TRPC6: variants seen among roughly 807,000 people sequenced by gnomAD.
TRPC6 encodes transient receptor potential cation channel subfamily C member 6.
A neutral mutation model predicts 90.7 loss-of-function variants in TRPC6; 55 were observed. The ratio of observed to expected loss-of-function variants is 0.61; its 90% confidence interval spans 0.49 to 0.76. TRPC6 has a LOEUF of 0.76. TRPC6 is among the 30% of genes least tolerant of loss of function. The pLI is 0.00. For missense variants in TRPC6, 989 were observed against 1,122.7 expected (o/e 0.88, Z 1.70); for synonymous variants, 393 against 393.0 (o/e 1.00, Z 0.00).
intron 10 of TRPC6, among the ~76,000 whole-genome samples, chr11:101,468,669 C>G (rs564102093): frequency 2.6e-5 from 4 of 152,212 alleles, no homozygotes; most frequent in Non-Finnish European, 5.9e-5. Context: ...GACAAAAAAT[C>G]CAGGAGAATC....
chr11:101,581,923 T>C (rs1862205971), intron 1 of TRPC6, among the ~76,000 whole-genome samples: 1 of 152,322 alleles, frequency 6.6e-6, no homozygotes, highest in Non-Finnish European at 1.5e-5. Flanking sequence ...AAGTCTGTAC[T>C]ATGAGACATA....
intron 10 of TRPC6, 46 bp from the exon 11 acceptor site, chr11:101,455,147 T>C: frequency 6.7e-7 from 1 of 1,495,448 alleles, no homozygotes; most frequent in Admixed American, 1.7e-5. Flanking sequence ...TTACATTTTC[T>C]TTTAAATAAA....
At position 101,554,639 on chromosome 11, in the gene TRPC6, A is replaced by G. The variant is rs190982180; in HGVS notation, c.170+28695T>C. Among the ~76,000 whole-genome samples the G allele has an allele frequency of 3.4e-4, 52 of 152,304 alleles. 1 individual carries two copies. Among genetic ancestry groups the G allele is most frequent in the African/African-American group, 1.1e-3 (47 of 41,574 alleles). On this transcript the variant is annotated intron_variant, in intron 1 of 12. Coordinates refer to ENST00000344327, the MANE Select transcript of TRPC6 (RefSeq NM_004621.6). ...GCCAGGCAATGGGAAGAATCAAGTTATAAGCCTCACTATATTTCTTTCCCT... is the reference window on the plus strand; with the variant it reads ...GCCAGGCAATGGGAAGAATCAAGTTGTAAGCCTCACTATATTTCTTTCCCT...
At chr11:101,571,838 TC>T (rs1377387320) in intron 1 of TRPC6, among the ~76,000 whole-genome samples, 1 of 152,126 alleles carries the variant, frequency 6.6e-6, no homozygotes, top group Non-Finnish European at 1.5e-5. Context: ...TGAAACTGGA[TC>T]CCTTCCTTAC....
At chr11:101,568,606 G>C (rs962567384) in intron 1 of TRPC6, among the ~76,000 whole-genome samples, 2 of 152,084 alleles carry the variant, frequency 1.3e-5, no homozygotes, top group African/African-American at 4.8e-5. Flanking sequence ...TTAAGGGCAG[G>C]CAGAGAGAAA....
At chr11:101,530,242 C>G (rs1449747169) in intron 1 of TRPC6, among the ~76,000 whole-genome samples, 1 of 152,102 alleles carries the variant, frequency 6.6e-6, no homozygotes, top group East Asian at 1.9e-4. Context: ...AAACTGCAGT[C>G]TGAATGCAGT....
At chr11:101,558,408 CAT>C (rs145345886) in intron 1 of TRPC6, among the ~76,000 whole-genome samples, 2,469 of 18,246 alleles carry the variant, frequency 0.14, 771 homozygotes, top group East Asian at 0.58. Context: ...TACACACACA[CAT>C]ATACACACAC....
At chr11:101,539,466 C>CA (rs1178901764) in intron 1 of TRPC6, among the ~76,000 whole-genome samples, 2 of 152,204 alleles carry the variant, frequency 1.3e-5, no homozygotes, top group Non-Finnish European at 2.9e-5. Context: ...ACACTTATTC[C>CA]AAGCAGGCCT....
chr11:101,503,786 G>GA (rs1201171114), intron 2 of TRPC6, among the ~76,000 whole-genome samples: 1 of 152,164 alleles, frequency 6.6e-6, no homozygotes, highest in Non-Finnish European at 1.5e-5. Flanking sequence ...TTCTCAAGGG[G>GA]AACGGATAAA....
chr11:101,534,397 C>A (rs1860986196), intron 1 of TRPC6, among the ~76,000 whole-genome samples: 1 of 152,154 alleles, frequency 6.6e-6, no homozygotes, highest in Non-Finnish European at 1.5e-5. Flanking sequence ...CAGCCTCCCA[C>A]TGTGCTGGGA....
chr11:101,481,600 A>T (rs1173289369), intron 5 of TRPC6, among the ~76,000 whole-genome samples: 3 of 152,168 alleles, frequency 2.0e-5, no homozygotes, highest in Admixed American at 2.0e-4. Flanking sequence ...TCCAAGGCAG[A>T]ATCCACAGCT....
intron 1 of TRPC6, among the ~76,000 whole-genome samples, chr11:101,546,050 C>CCTTTTTTTTTTTTTTTT: frequency 3.4e-5 from 1 of 29,724 alleles, no homozygotes; most frequent in African/African-American, 1.3e-4. Context: ...ATTTATAACT[C>CCTTTTTTTTTTTTTTTT]TTTTTTTTTT....
intron 1 of TRPC6, among the ~76,000 whole-genome samples, chr11:101,578,680 A>G (rs950142852): frequency 3.9e-5 from 6 of 152,158 alleles, no homozygotes; most frequent in Non-Finnish European, 8.8e-5. Context: ...CTGTGATGCA[A>G]TAAGTCACCT....
intron 1 of TRPC6, among the ~76,000 whole-genome samples, chr11:101,554,213 CTG>C (rs2136848227): frequency 6.6e-6 from 1 of 152,256 alleles, no homozygotes; most frequent in Non-Finnish European, 1.5e-5. Context: ...ATATTCTATA[CTG>C]TGTCTCTTCA....
intron 1 of TRPC6, among the ~76,000 whole-genome samples, chr11:101,553,864 G>C (rs1455757366): frequency 6.6e-6 from 1 of 151,842 alleles, no homozygotes; most frequent in Non-Finnish European, 1.5e-5. Flanking sequence ...TCAGTAATAG[G>C]GTATATGTAA....
intron 10 of TRPC6, among the ~76,000 whole-genome samples, chr11:101,462,684 T>C (rs1765200192): frequency 6.6e-6 from 1 of 152,248 alleles, no homozygotes. Context: ...TGAAGTTGCT[T>C]ATCTGCTTAT....
intron 1 of TRPC6, among the ~76,000 whole-genome samples, chr11:101,567,213 G>T (rs1254018319): frequency 6.6e-6 from 1 of 152,124 alleles, no homozygotes; most frequent in South Asian, 2.1e-4. Flanking sequence ...GAGGCTTGAG[G>T]GGGCGGTTTT....
rs763389629 is a variant in TRPC6 at position 101,452,984 on chromosome 11, C to G, written c.2767G>C (p.Glu923Gln). ...CTATTGGTTTCCTCTTGATTTGGTTCCATGGATAATTTCTCTCCAAGTTCT... is the reference window on the plus strand; with the variant it reads ...CTATTGGTTTCCTCTTGATTTGGTTGCATGGATAATTTCTCTCCAAGTTCT... ...IRELGEKLSM[E>Q]PNQEETNR The change falls in exon 13 of 13, where the codon GAA (glutamate) becomes CAA (glutamine). Residue 923 changes from glutamate to glutamine, a missense_variant. Transcript: ENST00000344327. 1 of 1,613,886 alleles carries G rather than the reference C, an allele frequency of 6.2e-7. No homozygotes were observed. The highest frequency in any genetic ancestry group is 1.1e-5 in the South Asian group (1 of 91,070).
chr11:101,520,782 CAA>C (rs1010117595), intron 1 of TRPC6, among the ~76,000 whole-genome samples: 57 of 152,136 alleles, frequency 3.7e-4, no homozygotes, highest in African/African-American at 1.4e-3. Context: ...TATGCGTTTG[CAA>C]AGAGGTTGGA....
Sources: gnomAD v4.1 joint callset for allele counts (sites outside exome capture counted in the v4.1 genomes callset) on GRCh38, gnomAD v4.1.1 for gene constraint, MANE v1.5 for transcripts, NCBI Gene and HGNC (gene_info 2026-07-23, HGNC 2026-07-21) for gene names.